Variants in PSD2 observed in about 807,000 individuals in gnomAD.
PSD2 encodes PH and SEC7 domain-containing protein 2.
A neutral mutation model predicts 69.8 loss-of-function variants in PSD2; 38 were observed. The observed-to-expected ratio is 0.54, with a 90% CI of 0.42 to 0.71. PSD2 has a LOEUF of 0.71. Among genes scored for constraint, PSD2 ranks in the 30% least tolerant of loss-of-function variants. The pLI, the probability that PSD2 is intolerant of heterozygous loss-of-function variation, is 0.00. For missense variants in PSD2, 943 were observed against 1,014.5 expected, an observed-to-expected ratio of 0.93 and a Z score of 0.96; for synonymous variants, 412 against 423.0, an observed-to-expected ratio of 0.97 and a Z score of 0.32.
intron 7 of PSD2, among the ~76,000 whole-genome samples, chr5:139,824,043 A>G (rs949664060): frequency 1.3e-5 from 2 of 152,218 alleles, no homozygotes; most frequent in African/African-American, 4.8e-5. Context: ...AATGTCACTC[A>G]CCACCAAAGC....
the PSD2 span, among the ~76,000 whole-genome samples, chr5:139,786,724 G>C: frequency 3.3e-3 from 496 of 152,122 alleles, 13 homozygotes; most frequent in Admixed American, 0.03. Context: ...TGAGTCCTGA[G>C]ACTTCTGCTT....
the PSD2 span, among the ~76,000 whole-genome samples, chr5:139,761,135 G>C: frequency 6.6e-6 from 1 of 152,158 alleles, no homozygotes; most frequent in Non-Finnish European, 1.5e-5. Context: ...TCAACATCTC[G>C]GAGTCCCTGC....
At chr5:139,762,866 G>C in the PSD2 span, among the ~76,000 whole-genome samples, 6 of 152,130 alleles carry the variant, frequency 3.9e-5, no homozygotes, top group Admixed American at 3.9e-4. Flanking sequence ...TTGGCAGAGT[G>C]GGGAGAGATG....
chr5:139,766,925 CTTCCCTTCTTT>C, the PSD2 span, among the ~76,000 whole-genome samples: 1 of 25,642 alleles, frequency 3.9e-5, no homozygotes, highest in Admixed American at 5.0e-4. Flanking sequence ...TCCTTCCTTC[CTTCCCTTCTTT>C]CTTTCTTTCT....
At chr5:139,827,080 G>T (rs1399833426) in intron 7 of PSD2, among the ~76,000 whole-genome samples, 3 of 152,204 alleles carry the variant, frequency 2.0e-5, no homozygotes, top group African/African-American at 7.2e-5. Context: ...TAGGTTACCC[G>T]AATCAATCTC....
chr5:139,812,291 C>A (rs546355520), intron 2 of PSD2, among the ~76,000 whole-genome samples: 1 of 151,920 alleles, frequency 6.6e-6, no homozygotes, highest in Admixed American at 6.6e-5. Flanking sequence ...ATCGGGAGGT[C>A]GGGGCAGTCC....
In PSD2 at chr5:139,844,063, A is replaced by C. The variant is rs1417527138; in HGVS notation, c.*1589A>C. On this transcript the variant is annotated 3_prime_UTR_variant, in exon 15 of 15. Transcript: ENST00000274710. ...TCAGCTGAAGTGTGTTTTAGACCCA[A>C]ACCATCTGGCCCCTTCGTTTTGCTC... 4 of 152,236 alleles carry C rather than the reference A, an allele frequency of 2.6e-5. No homozygotes were observed. Among genetic ancestry groups the C allele is most frequent in the African/African-American group, 9.6e-5 (4 of 41,478 alleles). 9.4% of individuals were successfully genotyped at this position (152,236 alleles called of 1,614,324 possible).
At chr5:139,818,843 T>A (rs924051401) in intron 5 of PSD2, among the ~76,000 whole-genome samples, 1 of 152,252 alleles carries the variant, frequency 6.6e-6, no homozygotes, top group Non-Finnish European at 1.5e-5. Flanking sequence ...GAGTTTTGAA[T>A]TTATGTTATA....
In PSD2 at chr5:139,809,495, G is replaced by T; in HGVS notation, c.55G>T (p.Asp19Tyr). The T allele has an allele frequency of 1.2e-6, 2 of 1,612,840 alleles. No homozygotes were observed. The highest frequency in any genetic ancestry group is 1.7e-6 in the Non-Finnish European group (2 of 1,179,478). ...GCCTGAGGAAGGCGATGCCACCCGT[G>T]ACCCCGGTCCAGAGCCTGAAGAGGA... ...AVPEEGDATR[D>Y]PGPEPEEEPG... The change falls in exon 2 of 15, where the codon GAC becomes TAC. Residue 19 changes from aspartate to tyrosine, a missense_variant. By Grantham distance (160) the Asp-to-Tyr change is radical. This residue lies in a region of PSD2 where 466 missense variants were observed against 445.0 expected (regional missense o/e 1.05). Transcript: ENST00000274710.
chr5:139,814,304 G>C lies in PSD2; in HGVS notation c.956G>C (p.Arg319Pro). 6.2e-7 allele frequency: 1 copy of C among 1,613,320 alleles called. No individual in the cohort carries two copies. Among genetic ancestry groups the C allele is most frequent in the African/African-American group, 1.3e-5 (1 of 75,006 alleles). The change falls in exon 4 of 15, where the codon CGC becomes CCC. Residue 319 changes from arginine to proline, a missense_variant. Physicochemically the swap from Arg to Pro is moderately radical, Grantham distance 103 (BLOSUM62 -2). Transcript: ENST00000274710. This position sits in a 1 kb window ranked among gnomAD's most constrained non-coding sequence, Gnocchi z 4.4. ...GVSEAAHRLA[R>P]RLYHLEGFQR... Reference sequence around the variant, plus strand: ...AGTGAAGCTGCTCATCGGCTGGCACGCCGTCTCTACCACCTCGAGGGCTTC... The same window carrying C: ...AGTGAAGCTGCTCATCGGCTGGCACCCCGTCTCTACCACCTCGAGGGCTTC...
upstream of PSD2, among the ~76,000 whole-genome samples, chr5:139,791,994 G>A (rs955478127): frequency 5.3e-5 from 8 of 152,184 alleles, no homozygotes; most frequent in Non-Finnish European, 1.2e-4. Context: ...ATGAGAGTGC[G>A]TGAAGGGGAA....
rs1760073488 is a variant in PSD2 at position 139,814,678 on chromosome 5, A to G, written c.1016+314A>G. 6.6e-6 allele frequency among the ~76,000 whole-genome samples: 1 copy of G among 151,970 alleles called. No individual in the cohort carries two copies. Among genetic ancestry groups the G allele is most frequent in the African/African-American group, 2.4e-5 (1 of 41,350 alleles). On this transcript the variant is annotated intron_variant, in intron 4 of 14. Coordinates refer to ENST00000274710, the MANE Select transcript of PSD2 (RefSeq NM_032289.4). The surrounding 1 kb of genome is among the most constrained non-coding windows in gnomAD (Gnocchi z 4.4). ...ATGTGAGGACAGAGAAGCCAGCAGG[A>G]GCTGGGCCCAGCTAATGGGGCCAGG...
rs376308900 is a variant in PSD2, at chr5:139,817,466, A to T, written c.1017-15A>T. 3.7e-6 allele frequency: 6 copies of T among 1,611,904 alleles called. No homozygotes were observed. In the African/African-American group the frequency reaches 8.0e-5, roughly 22 times the overall value. ...GGACCCTGCTTCTAACAGACATCCC[A>T]TACTCTCCTGGCAGCAACGAGTTTA... On this transcript the variant is annotated splice_polypyrimidine_tract_variant and intron_variant, in intron 4 of 14. Transcript: ENST00000274710.
chr5:139,793,326 A>G (rs1759452800), upstream of PSD2, among the ~76,000 whole-genome samples: 1 of 152,208 alleles, frequency 6.6e-6, no homozygotes, highest in Non-Finnish European at 1.5e-5. Context: ...TGGCACCCAG[A>G]ACACTCACAC....
In PSD2 at chr5:139,842,357, G is replaced by A. The variant is rs1382517660; in HGVS notation, c.2199G>A (p.Leu733=). 2 of 1,614,188 alleles carry A rather than the reference G, an allele frequency of 1.2e-6. No individual in the cohort carries two copies. The highest frequency in any genetic ancestry group is 1.7e-6 in the Non-Finnish European group (2 of 1,180,022). The change falls in exon 15 of 15, where the codon CTG becomes CTA. Residue 733 remains leucine, a synonymous_variant. Coordinates refer to ENST00000274710, the MANE Select transcript of PSD2 (RefSeq NM_032289.4). ...SDDLERIEAR[L]ATLEGDDPSL... ...ATCTGGAGCGGATTGAGGCCCGGCT[G>A]GCCACTCTGGAAGGGGATGACCCTT...
the PSD2 span, among the ~76,000 whole-genome samples, chr5:139,749,946 G>A: frequency 1.3e-5 from 2 of 151,868 alleles, no homozygotes. Flanking sequence ...AAGAAGGATG[G>A]TTTGAACCCA....
At chr5:139,762,522 T>C in the PSD2 span, among the ~76,000 whole-genome samples, 1 of 152,232 alleles carries the variant, frequency 6.6e-6, no homozygotes, top group Non-Finnish European at 1.5e-5. Context: ...AGAAATGTTA[T>C]GTATAGACCC....
At chr5:139,816,057 C>A (rs1760116339) in intron 4 of PSD2, among the ~76,000 whole-genome samples, 1 of 143,750 alleles carries the variant, frequency 7.0e-6, no homozygotes, top group Admixed American at 6.8e-5. Context: ...AAAAAAATAT[C>A]AAACCTCTAT....
At chr5:139,810,369 C>G (rs1182586836) in intron 2 of PSD2, among the ~76,000 whole-genome samples, 1 of 152,174 alleles carries the variant, frequency 6.6e-6, no homozygotes, top group African/African-American at 2.4e-5. Flanking sequence ...GTGTGTTGGA[C>G]AAGCAGGGCA....
Sources: gnomAD v4.1 joint callset for allele counts (sites outside exome capture counted in the v4.1 genomes callset) on GRCh38, gnomAD v4.1.1 for gene constraint, gnomAD v4.1.1 regional missense constraint, Gnocchi (gnomAD v3.1) non-coding constraint, MANE v1.5 for transcripts, NCBI Gene and HGNC (gene_info 2026-07-23, HGNC 2026-07-21) for gene names.